TSNARE1: variants seen among roughly 807,000 people sequenced by gnomAD.
TSNARE1 encodes the protein t-SNARE domain-containing protein 1.
TSNARE1 carries 49 observed loss-of-function variants against 62.0 expected under a neutral mutation model. The observed-to-expected ratio is 0.79, with a 90% confidence interval of 0.63 to 1.00. The LOEUF (loss-of-function observed/expected upper bound fraction) is 1.00. Among genes scored for constraint, TSNARE1 ranks in the 50% least tolerant of loss-of-function variants. TSNARE1 has a pLI of 0.00. For synonymous variants in TSNARE1, 328 were observed against 294.4 expected, an observed-to-expected ratio of 1.11 and a Z score of -1.17; for missense variants, 755 against 700.1, an observed-to-expected ratio of 1.08 and a Z score of -0.88.
At chr8:142,299,890 G>A (rs1322153866) in intron 10 of TSNARE1, among the ~76,000 whole-genome samples, 1 of 152,208 alleles carries the variant, frequency 6.6e-6, no homozygotes, top group Non-Finnish European at 1.5e-5. Flanking sequence ...TATTATACAT[G>A]TGTAAACTTT....
At chr8:142,339,404 C>T (rs541950827) in intron 4 of TSNARE1, among the ~76,000 whole-genome samples, 20 of 152,064 alleles carry the variant, frequency 1.3e-4, no homozygotes, top group Non-Finnish European at 2.2e-4. Flanking sequence ...ATCACAGGCC[C>T]GTGGACCTAT....
At position 142,353,027 on chromosome 8, in the gene TSNARE1, G is replaced by T. The variant is rs538610478; in HGVS notation, c.88+1610C>A. 2.0e-5 allele frequency among the ~76,000 whole-genome samples: 3 copies of T among 152,226 alleles called. No homozygotes were observed. In the South Asian group the frequency reaches 6.2e-4, roughly 32 times the overall value. Reference sequence around the variant, plus strand: ...CCGTGCCCTGCCTAAGGCCCTGCAGGCTTCCCTGGCCCATGGAAGGAACCT... The same window carrying T: ...CCGTGCCCTGCCTAAGGCCCTGCAGTCTTCCCTGGCCCATGGAAGGAACCT... On this transcript the variant is annotated intron_variant, in intron 2 of 13. Coordinates refer to ENST00000524325, the MANE Select transcript of TSNARE1 (RefSeq NM_145003.5).
chr8:142,300,926 G>A (rs1049021647), intron 9 of TSNARE1, among the ~76,000 whole-genome samples: 3 of 152,154 alleles, frequency 2.0e-5, no homozygotes, highest in Non-Finnish European at 2.9e-5. Context: ...GTAGGGGCCC[G>A]GGAGCACCCA....
intron 1 of TSNARE1, among the ~76,000 whole-genome samples, chr8:142,374,806 G>A (rs1836202562): frequency 6.6e-6 from 1 of 152,184 alleles, no homozygotes; most frequent in Non-Finnish European, 1.5e-5. Context: ...GGGGCAGGGA[G>A]GGGCTGGGGC....
chr8:142,217,738 T>A (rs562270771), intron 13 of TSNARE1, among the ~76,000 whole-genome samples: 7 of 152,038 alleles, frequency 4.6e-5, no homozygotes, highest in African/African-American at 1.7e-4. Context: ...TAACTAGAAT[T>A]AGGGTCAGTG....
chr8:142,386,378 A>G (rs1837113150), intron 1 of TSNARE1, among the ~76,000 whole-genome samples: 1 of 152,188 alleles, frequency 6.6e-6, no homozygotes, highest in African/African-American at 2.4e-5. Context: ...AGACAAAAGT[A>G]TAGACTCTCT....
intron 1 of TSNARE1, among the ~76,000 whole-genome samples, chr8:142,400,501 G>C (rs1838207408): frequency 6.6e-6 from 1 of 151,970 alleles, no homozygotes; most frequent in Non-Finnish European, 1.5e-5. Flanking sequence ...AGCACTTTGG[G>C]AGGCCGAGGT....
chr8:142,297,862 G>C (rs1005187709), intron 10 of TSNARE1, among the ~76,000 whole-genome samples: 1 of 152,182 alleles, frequency 6.6e-6, no homozygotes, highest in African/African-American at 2.4e-5. Flanking sequence ...GTGATGCAGT[G>C]AGGTGTACAG....
intron 1 of TSNARE1, among the ~76,000 whole-genome samples, chr8:142,373,303 T>C (rs1366838317): frequency 6.6e-6 from 1 of 152,128 alleles, no homozygotes; most frequent in Non-Finnish European, 1.5e-5. Context: ...GGCCCGGCCA[T>C]GCTGCCACCC....
Position 142,288,774 on chromosome 8 carries a change from T to C in TSNARE1, c.1291-4289A>G, listed in dbSNP as rs1451636417. On this transcript the variant is annotated intron_variant, in intron 10 of 13. Transcript: ENST00000524325. ...GAGAAGCAGCAGGAGCAGTGATAAC[T>C]GCCCATTGGGATGAGCTAAGACACA... is the stretch of plus-strand genomic sequence containing the variant. 2.0e-5 allele frequency among the ~76,000 whole-genome samples: 3 copies of C among 152,246 alleles called. No homozygotes were observed. In the East Asian group the frequency reaches 5.8e-4, roughly 29 times the overall value.
chr8:142,288,261 TCA>T (rs930477865), intron 10 of TSNARE1, among the ~76,000 whole-genome samples: 2 of 152,182 alleles, frequency 1.3e-5, no homozygotes, highest in Admixed American at 1.3e-4. Context: ...AGGCTCGGCC[TCA>T]GTGTTCCAGG....
chr8:142,256,367 T>TCATCAC (rs1563782807), intron 12 of TSNARE1, among the ~76,000 whole-genome samples: 4 of 113,234 alleles, frequency 3.5e-5, no homozygotes, highest in Non-Finnish European at 5.8e-5. Flanking sequence ...ATCACCACCA[T>TCATCAC]CATCACCACC....
At chr8:142,365,904 G>C (rs1436774411) in intron 1 of TSNARE1, 1 of 453,042 alleles carries the variant, frequency 2.2e-6, no homozygotes, top group East Asian at 7.0e-5. Flanking sequence ...TGAGTGAAGA[G>C]ACCTACCATG....
At chr8:142,274,362 C>A (rs1346365595) in intron 12 of TSNARE1, 4 of 985,324 alleles carry the variant, frequency 4.1e-6, no homozygotes, top group Non-Finnish European at 4.8e-6. Flanking sequence ...AAGGCCTGAG[C>A]TTTCTTGTTC....
intron 1 of TSNARE1, chr8:142,402,731 C>T (rs972333695): frequency 6.6e-6 from 1 of 152,432 alleles, no homozygotes; most frequent in African/African-American, 2.4e-5. Context: ...GGGGCGCTCC[C>T]CGGGACGGCA....
intron 9 of TSNARE1, among the ~76,000 whole-genome samples, chr8:142,304,798 C>T (rs1443096433): frequency 2.0e-5 from 3 of 152,204 alleles, no homozygotes; most frequent in African/African-American, 4.8e-5. Flanking sequence ...CTTTTCCCAA[C>T]GCTGTGAGCT....
intron 13 of TSNARE1, among the ~76,000 whole-genome samples, chr8:142,214,528 TA>T (rs1299022851): frequency 6.6e-6 from 1 of 152,080 alleles, no homozygotes; most frequent in African/African-American, 2.4e-5. Flanking sequence ...GCCCAAGGTC[TA>T]CCTTGCGCTG....
chr8:142,245,740 G>A (rs1213349028), intron 12 of TSNARE1, among the ~76,000 whole-genome samples: 1 of 152,240 alleles, frequency 6.6e-6, no homozygotes, highest in African/African-American at 2.4e-5. Flanking sequence ...ACAAGATTAG[G>A]TTGGGGTGAG....
chr8:142,339,693 T>C (rs1392272825), intron 4 of TSNARE1, among the ~76,000 whole-genome samples: 2 of 152,138 alleles, frequency 1.3e-5, no homozygotes, highest in African/African-American at 4.8e-5. Flanking sequence ...CGGGGAAGCA[T>C]AGGGCAGCTC....
Sources: gnomAD v4.1 joint callset for allele counts (sites outside exome capture counted in the v4.1 genomes callset) on GRCh38, gnomAD v4.1.1 for gene constraint, MANE v1.5 for transcripts, NCBI Gene and HGNC (gene_info 2026-07-23, HGNC 2026-07-21) for gene names.